The following PLPP4 variants were observed in gnomAD, a reference collection of about 807,000 sequenced individuals.
The protein encoded by PLPP4 is diacylglycerol pyrophosphate like 2.
In PLPP4, 20 loss-of-function variants were observed where a neutral mutation model predicts 32.2. That is an observed-to-expected ratio of 0.62 (90% CI 0.44 to 0.90). The LOEUF is 0.90. Ranked by LOEUF, PLPP4 falls within the 40% of genes least tolerant of loss-of-function variation. The pLI is 0.00. For synonymous variants in PLPP4, 127 were observed against 133.0 expected (o/e 0.95, Z 0.31); for missense variants, 257 against 353.1 (o/e 0.73, Z 2.18).
At chr10:120,520,075 G>A (rs1342382859) in intron 4 of PLPP4, among the ~76,000 whole-genome samples, 1 of 152,232 alleles carries the variant, frequency 6.6e-6, no homozygotes, top group African/African-American at 2.4e-5. Flanking sequence ...GTTCTCCTAA[G>A]GATTATATGG....
chr10:120,545,788 C>T (rs150044527), intron 5 of PLPP4, among the ~76,000 whole-genome samples: 3,292 of 152,202 alleles, frequency 0.022, 49 homozygotes, highest in Non-Finnish European at 0.032. Flanking sequence ...AAGTATTGTT[C>T]CTGGGTTTAT....
At chr10:120,538,611 A>C (rs1263016157) in intron 5 of PLPP4, among the ~76,000 whole-genome samples, 1 of 152,110 alleles carries the variant, frequency 6.6e-6, no homozygotes, top group African/African-American at 2.4e-5. Context: ...AGGCCCTTTC[A>C]CATGGTCTTC....
At chr10:120,472,584 T>C (rs1180986272) in intron 1 of PLPP4, among the ~76,000 whole-genome samples, 1 of 152,144 alleles carries the variant, frequency 6.6e-6, no homozygotes, top group Non-Finnish European at 1.5e-5. Context: ...ATTTTTCCCA[T>C]TTCTTTTCAT....
intron 1 of PLPP4, among the ~76,000 whole-genome samples, chr10:120,474,847 A>G (rs1843824142): frequency 1.3e-5 from 2 of 152,244 alleles, no homozygotes; most frequent in Admixed American, 6.5e-5. Context: ...CTATTCAAAC[A>G]ACTCTATAAG....
chr10:120,565,351 T>TGC (rs1848646119), intron 5 of PLPP4, among the ~76,000 whole-genome samples: 1 of 149,824 alleles, frequency 6.7e-6, no homozygotes, highest in Non-Finnish European at 1.5e-5. Flanking sequence ...TGTGTGTGTG[T>TGC]GTGTGTGTGT....
chr10:120,498,582 A>G (rs1309690587), intron 1 of PLPP4, among the ~76,000 whole-genome samples: 1 of 152,090 alleles, frequency 6.6e-6, no homozygotes, highest in Non-Finnish European at 1.5e-5. Flanking sequence ...ATGGATAACT[A>G]GTGGTATTAT....
In PLPP4 at chr10:120,476,582, A is replaced by G. The variant is rs115313987; in HGVS notation, c.56+19221A>G. On this transcript the variant is annotated intron_variant, in intron 1 of 6. Coordinates refer to ENST00000398250, the MANE Select transcript of PLPP4 (RefSeq NM_001030059.3). The stretch of plus-strand genomic sequence containing the variant: ...TTGGGTGGGGTGATACTTTGTCCCC[A>G]GCTTCCCACATACTGGCCCGCCCAC... Among the ~76,000 whole-genome samples the G allele has an allele frequency of 5.4e-3, 819 of 152,288 alleles. 8 individuals carry two copies. Among genetic ancestry groups the G allele is most frequent in the African/African-American group, 0.019 (784 of 41,554 alleles).
chr10:120,463,512 G>C (rs1056292254), intron 1 of PLPP4, among the ~76,000 whole-genome samples: 13 of 152,154 alleles, frequency 8.5e-5, no homozygotes, highest in Non-Finnish European at 8.8e-5. Context: ...GATTTTATTA[G>C]ATAAGATTAG....
chr10:120,564,836 TTATG>T, intron 5 of PLPP4, among the ~76,000 whole-genome samples: 1 of 152,188 alleles, frequency 6.6e-6, no homozygotes, highest in Non-Finnish European at 1.5e-5. Flanking sequence ...GCCCTATATT[TTATG>T]TATGTATTTA....
At chr10:120,517,514 C>A (rs1329199392) in intron 3 of PLPP4, among the ~76,000 whole-genome samples, 2 of 152,298 alleles carry the variant, frequency 1.3e-5, no homozygotes, top group Middle Eastern at 3.4e-3. Flanking sequence ...AATTTCTGCA[C>A]CCCCATTGCA....
intron 5 of PLPP4, among the ~76,000 whole-genome samples, chr10:120,528,369 C>A (rs907455093): frequency 6.6e-6 from 1 of 152,114 alleles, no homozygotes; most frequent in East Asian, 1.9e-4. Flanking sequence ...CCACCACGCC[C>A]GGCCGCCACT....
At chr10:120,506,927 A>C (rs1342124203) in intron 2 of PLPP4, among the ~76,000 whole-genome samples, 1 of 152,224 alleles carries the variant, frequency 6.6e-6, no homozygotes, top group Non-Finnish European at 1.5e-5. Context: ...AATTCTTTTC[A>C]GATGCACTCA....
chr10:120,498,120 A>G (rs1320708252), intron 1 of PLPP4, among the ~76,000 whole-genome samples: 1 of 152,240 alleles, frequency 6.6e-6, no homozygotes, highest in Non-Finnish European at 1.5e-5. Context: ...TCCAACAACA[A>G]TTTATCTGAC....
At chr10:120,487,392 C>T (rs1219842451) in intron 1 of PLPP4, among the ~76,000 whole-genome samples, 1 of 152,156 alleles carries the variant, frequency 6.6e-6, no homozygotes, top group East Asian at 1.9e-4. Flanking sequence ...AAAGCGGGAT[C>T]GTTCTGATTG....
chr10:120,536,717 C>T (rs934659940), intron 5 of PLPP4, among the ~76,000 whole-genome samples: 1 of 128,852 alleles, frequency 7.8e-6, no homozygotes, highest in Admixed American at 7.7e-5. Context: ...TACAAAAAAA[C>T]TGATGTTTTT....
At chr10:120,514,599 G>C (rs1456522363) in intron 3 of PLPP4, among the ~76,000 whole-genome samples, 1 of 152,194 alleles carries the variant, frequency 6.6e-6, no homozygotes, top group Non-Finnish European at 1.5e-5. Flanking sequence ...CCCAAGACGA[G>C]CCATGTCTGC....
At chr10:120,565,250 G>A (rs377585131) in intron 5 of PLPP4, among the ~76,000 whole-genome samples, 21 of 151,428 alleles carry the variant, frequency 1.4e-4, no homozygotes, top group South Asian at 2.1e-4. Context: ...GCATTCCCTC[G>A]TGTATCAGCC....
chr10:120,472,755 T>A (rs1848575356), intron 1 of PLPP4, among the ~76,000 whole-genome samples: 1 of 152,122 alleles, frequency 6.6e-6, no homozygotes, highest in African/African-American at 2.4e-5. Flanking sequence ...GTCCTACAGA[T>A]CTTGGATGCT....
chr10:120,572,204 C>G (rs998561882), intron 5 of PLPP4, among the ~76,000 whole-genome samples: 19 of 152,204 alleles, frequency 1.2e-4, no homozygotes, highest in Admixed American at 1.2e-3. Flanking sequence ...ACCTACCCTT[C>G]AAAGAATGAG....
Sources: gnomAD v4.1 joint callset for allele counts (sites outside exome capture counted in the v4.1 genomes callset) on GRCh38, gnomAD v4.1.1 for gene constraint, MANE v1.5 for transcripts, NCBI Gene and HGNC (gene_info 2026-07-23, HGNC 2026-07-21) for gene names.